Variants in PRAMEF4 observed in about 807,000 individuals in gnomAD.
PRAMEF4 encodes PRAME family member 4.
PRAMEF4 carries 18 observed loss-of-function variants against 34.4 expected under a neutral mutation model. The ratio of observed to expected loss-of-function variants is 0.52; its 90% CI spans 0.36 to 0.78. The LOEUF (loss-of-function observed/expected upper bound fraction) is 0.78, where lower values mean the gene tolerates loss of function less well. PRAMEF4 is among the 30% of genes least tolerant of loss of function. The probability of loss-of-function intolerance (pLI) is 0.00; values close to 1 mark genes in which losing one functional copy is unlikely to be tolerated. For synonymous variants in PRAMEF4, 156 were observed against 219.3 expected (o/e 0.71, Z 2.55); for missense variants, 482 against 569.1 (o/e 0.85, Z 1.56).
chr1:12,883,948 T>G (rs886072319), intron 1 of PRAMEF4, among the ~76,000 whole-genome samples: 1 of 143,282 alleles, frequency 7.0e-6, no homozygotes, highest in African/African-American at 2.6e-5. Flanking sequence ...TCTCTCTCCC[T>G]TTTTTCTTTC....
rs1362871239 is a variant in PRAMEF4, at chr1:12,882,944, G to A, written c.293+158C>T. The stretch of plus-strand genomic sequence containing the variant: ...CCTGTTACCTCCATGGACCTTGCGT[G>A]GTGAGCAGTGCTTTCCCTGAGGAGC... On this transcript the variant is annotated intron_variant, in intron 2 of 3. Coordinates refer to ENST00000235349, the MANE Select transcript of PRAMEF4 (RefSeq NM_001009611.4). Among the ~76,000 whole-genome samples, 2 of 146,334 alleles carry A rather than the reference G, an allele frequency of 1.4e-5. 1 individual carries two copies. The highest frequency in any genetic ancestry group is 5.2e-5 in the African/African-American group (2 of 38,546).
rs754260218 is a variant in PRAMEF4 at position 12,879,849 on chromosome 1, G to A, written c.1132C>T (p.Arg378Cys). 27 of 1,599,388 alleles carry A rather than the reference G, an allele frequency of 1.7e-5. 4 individuals carry two copies. The highest frequency in any genetic ancestry group is 1.3e-4 in the South Asian group (12 of 90,240). ...QVNAILPALS[R>C]CFELNTFSFC... is the part of the protein sequence containing the mutation. ...CTGAAGGTGTTGAGCTCAAAGCAGCGGCTCAGGGCAGGCAAGATGGCGTTG... is the reference window on the plus strand; with the variant it reads ...CTGAAGGTGTTGAGCTCAAAGCAGCAGCTCAGGGCAGGCAAGATGGCGTTG... The change falls in exon 4 of 4, where the codon CGC becomes TGC. Residue 378 changes from arginine (R) to cysteine (C), a missense_variant. Arg to Cys is a radical substitution (Grantham distance 180). Around this residue, in one of 6 missense-constraint regions of PRAMEF4, gnomAD observed 116 missense variants for 105.2 expected, o/e 1.10. Coordinates refer to ENST00000235349, the MANE Select transcript of PRAMEF4 (RefSeq NM_001009611.4).
intron 2 of PRAMEF4, 65 bp downstream of exon 2, chr1:12,883,037 C>T (rs4379684): frequency 0.22 from 329,775 of 1,521,068 alleles, 55,768 homozygotes; most frequent in African/African-American, 0.35. Context: ...TCACTTCTCA[C>T]GACCCAGCTG....
At chr1:12,884,820 C>T (rs1448450657) in intron 1 of PRAMEF4, among the ~76,000 whole-genome samples, 9 of 150,164 alleles carry the variant, frequency 6.0e-5, no homozygotes, top group African/African-American at 1.5e-4. Context: ...AGATATTGAT[C>T]CATCAAAATG....
intron 1 of PRAMEF4, among the ~76,000 whole-genome samples, chr1:12,885,496 A>G (rs971043952): frequency 6.7e-6 from 1 of 149,320 alleles, no homozygotes; most frequent in African/African-American, 2.5e-5. Context: ...AATAGCTGGG[A>G]CTACAGATGC....
intron 1 of PRAMEF4, among the ~76,000 whole-genome samples, chr1:12,884,591 T>TA (rs371570723): frequency 2.0e-5 from 3 of 147,486 alleles, no homozygotes; most frequent in African/African-American, 5.0e-5. Flanking sequence ...GGTCTGCGCC[T>TA]GTAGTCCAAG....
In PRAMEF4 at chr1:12,882,076, C is replaced by T. The variant is rs151307887; in HGVS notation, c.653G>A (p.Trp218Ter). The T allele has an allele frequency of 1.0e-3, 1,648 of 1,588,392 alleles. 92 individuals carry two copies. The highest frequency in any genetic ancestry group is 1.3e-3 in the Non-Finnish European group (1,516 of 1,172,910). ...CIQEVEVNCK[W>*]VLPILTQFTP... ...AAACTGTGTCAGGATGGGCAGTACCCACTTGCAATTCACTTCCACCTCCTG... is the reference window on the plus strand; with the variant it reads ...AAACTGTGTCAGGATGGGCAGTACCTACTTGCAATTCACTTCCACCTCCTG... Residue 218 changes from tryptophan to a stop codon, truncating the protein, a stop_gained, in exon 3 of 4, where the codon TGG becomes TAG. Transcript: ENST00000235349. LOFTEE classifies it high-confidence loss of function.
intron 1 of PRAMEF4, among the ~76,000 whole-genome samples, chr1:12,885,044 A>C (rs1329746970): frequency 6.6e-6 from 1 of 150,768 alleles, no homozygotes; most frequent in East Asian, 1.9e-4. Flanking sequence ...TTTCAGAGTT[A>C]AAACAGTTTT....
rs4408161 is a variant in PRAMEF4, at chr1:12,879,674, A to T, written c.1307T>A (p.Ile436Asn). Residue 436 changes from isoleucine to asparagine, a missense_variant, in exon 4 of 4, where the codon ATT becomes AAT. Physicochemically the swap from Ile to Asn is moderately radical, Grantham distance 149 (BLOSUM62 -3). Around this residue, in one of 6 missense-constraint regions of PRAMEF4, gnomAD observed 116 missense variants for 105.2 expected, o/e 1.10. Transcript: ENST00000235349. The stretch of plus-strand genomic sequence containing the variant: ...CACTCTGTTCATCAGCTCAGCCCTA[A>T]TTTGAGCAAATCTGCTCCAGCAGAG... The part of the protein sequence containing the change: ...GTLCWSRFAQ[I>N]RAELMNRVRD... The T allele has an allele frequency of 0.04, 63,709 of 1,574,116 alleles. 18 individuals are homozygous for T. The highest frequency in any genetic ancestry group is 0.14 in the East Asian group (5,578 of 39,116).
At chr1:12,885,376 G>A (rs1640982155) in intron 1 of PRAMEF4, among the ~76,000 whole-genome samples, 1 of 150,024 alleles carries the variant, frequency 6.7e-6, no homozygotes, top group African/African-American at 2.5e-5. Flanking sequence ...TTTTGTTTTT[G>A]GACAGAGTGT....
Position 12,883,379 on chromosome 1 carries a change from A to C in PRAMEF4, c.16T>G (p.Trp6Gly), listed in dbSNP as rs3121079. The change falls in exon 2 of 4, where the codon TGG becomes GGG. Residue 6 changes from tryptophan to glycine, a missense_variant. Transcript: ENST00000235349. The stretch of plus-strand genomic sequence containing the variant: ...AGCTCCAGGAGTCTGGGTGGAGTCC[A>C]GATGCTCATCTTCATGAATCTGCAG... The part of the protein sequence containing the change: MKMSI[W>G]TPPRLLELAG... The C allele has an allele frequency of 4.4e-6, 7 of 1,592,808 alleles. No individual in the cohort carries two copies. The African/African-American group carries it at 8.2e-5, about 19-fold the overall frequency.
At chr1:12,884,127 C>T (rs1640949128) in intron 1 of PRAMEF4, among the ~76,000 whole-genome samples, 1 of 145,710 alleles carries the variant, frequency 6.9e-6, no homozygotes, top group South Asian at 2.2e-4. Context: ...TCCTCCTCAG[C>T]CTCCCAAGTA....
rs780198447 is a variant in PRAMEF4 at position 12,882,020 on chromosome 1, G to C, written c.709C>G (p.Gln237Glu). The C allele has an allele frequency of 3.8e-6, 6 of 1,591,286 alleles. No individual in the cohort carries two copies. In the African/African-American group the frequency reaches 8.4e-5, roughly 22 times the overall value. The change falls in exon 3 of 4, where the codon CAG becomes GAG. Residue 237 changes from glutamine (Q) to glutamate (E), a missense_variant. Gln to Glu is a conservative substitution (Grantham distance 29, BLOSUM62 2). Transcript: ENST00000235349. ...TCCATGTGGGAGAGAATGAGTTTCT[G>C]AAGATTCCTCATGTGGCCCAGGTAT... ...TPYLGHMRNL[Q>E]KLILSHMDVS...
In PRAMEF4 at chr1:12,883,593, C is replaced by T. The variant is rs927318577; in HGVS notation, c.-16-183G>A. Among the ~76,000 whole-genome samples, 65 of 148,864 alleles carry T rather than the reference C, an allele frequency of 4.4e-4. 5 individuals are homozygous for T. The highest frequency in any genetic ancestry group is 1.6e-3 in the African/African-American group (63 of 40,334). On this transcript the variant is annotated intron_variant, in intron 1 of 3. Coordinates refer to ENST00000235349, the MANE Select transcript of PRAMEF4 (RefSeq NM_001009611.4). ...TCTGCCTCTGCTGCATCAGCATGAG[C>T]GTCTCCGAAGCAGTGAGGAAGCAGG...
At chr1:12,886,076 G>A (rs948542514) in intron 1 of PRAMEF4, 71 bp downstream of exon 1, 2 of 133,886 alleles carry the variant, frequency 1.5e-5, no homozygotes, top group Non-Finnish European at 1.6e-5. Context: ...ATCGTAGGCT[G>A]CACTGTCACC....
In PRAMEF4 at chr1:12,883,202, G is replaced by A. The variant is rs768809656; in HGVS notation, c.193C>T (p.Arg65Cys). 2.8e-5 allele frequency: 44 copies of A among 1,599,244 alleles called. 2 individuals carry two copies. The highest frequency in any genetic ancestry group is 5.5e-5 in the African/African-American group (4 of 72,938). ...TTTATCAGAGGCCTCAGAGGGAGGC[G>A]GCGGAAGGGCCAGGACTGCACCATC... Reference protein sequence around the residue: ...KLMVQSWPFRRLPLRPLIKMP... With the variant: ...KLMVQSWPFRCLPLRPLIKMP... Residue 65 changes from arginine to cysteine, a missense_variant, in exon 2 of 4, where the codon CGC becomes TGC. Physicochemically the swap from Arg to Cys is radical, Grantham distance 180. Around this residue, in one of 6 missense-constraint regions of PRAMEF4, gnomAD observed 172 missense variants for 130.2 expected, o/e 1.32. Coordinates refer to ENST00000235349, the MANE Select transcript of PRAMEF4 (RefSeq NM_001009611.4).
intron 3 of PRAMEF4, among the ~76,000 whole-genome samples, chr1:12,880,924 A>G (rs892978083): frequency 3.4e-5 from 5 of 147,028 alleles, no homozygotes; most frequent in African/African-American, 1.3e-4. Context: ...GCTCAAAAGA[A>G]ACTTTTACAA....
chr1:12,884,085 T>G (rs1373108657), intron 1 of PRAMEF4, among the ~76,000 whole-genome samples: 5 of 146,332 alleles, frequency 3.4e-5, no homozygotes, highest in Non-Finnish European at 6.0e-5. Context: ...CTCAGCTCAG[T>G]GCAGCCTTGA....
At chr1:12,884,597 C>G (rs987660711) in intron 1 of PRAMEF4, among the ~76,000 whole-genome samples, 5 of 147,326 alleles carry the variant, frequency 3.4e-5, no homozygotes, top group Non-Finnish European at 7.5e-5. Flanking sequence ...CGCCTGTAGT[C>G]CAAGCTACTA....
Sources: gnomAD v4.1 joint callset for allele counts (sites outside exome capture counted in the v4.1 genomes callset) on GRCh38, gnomAD v4.1.1 for gene constraint, gnomAD v4.1.1 regional missense constraint, MANE v1.5 for transcripts, NCBI Gene and HGNC (gene_info 2026-07-23, HGNC 2026-07-21) for gene names.